The following HINFP variants were observed in gnomAD, a reference collection of about 807,000 sequenced individuals.
HINFP encodes MBD2 (methyl-CpG-binding protein)-interacting zinc finger protein.
A neutral mutation model predicts 50.1 loss-of-function variants in HINFP; 20 were observed. That is an observed-to-expected ratio of 0.40 (90% CI 0.28 to 0.58). The LOEUF (loss-of-function observed/expected upper bound fraction) is 0.58, where lower values mean the gene tolerates loss of function less well. HINFP is among the 20% of genes least tolerant of loss of function. The pLI is 0.45. For synonymous variants in HINFP, 247 were observed against 243.7 expected (o/e 1.01, Z -0.13); for missense variants, 505 against 664.1 (o/e 0.76, Z 2.63).
intron 1 of HINFP, among the ~76,000 whole-genome samples, chr11:119,122,410 A>T (rs1015419548): frequency 6.6e-6 from 1 of 152,154 alleles, no homozygotes. Context: ...GTTTCTGCTC[A>T]GAAGCTTCTT....
chr11:119,134,403 C>G lies in HINFP; in HGVS notation c.1459C>G (p.Pro487Ala). The stretch of plus-strand genomic sequence containing the variant: ...CGTCTACTATGTGCTGTCTGAAGCC[C>G]CAGGGGAGCCTCCCCCAGCCCCTGA... ...EIVYYVLSEA[P>A]GEPPPAPEPP... The change falls in exon 10 of 10, where the codon CCA becomes GCA. Residue 487 changes from proline to alanine, a missense_variant. Transcript: ENST00000350777. This position sits in a 1 kb window ranked among gnomAD's most constrained non-coding sequence, Gnocchi z 4.3. 2 of 1,614,192 alleles carry G rather than the reference C, an allele frequency of 1.2e-6. No individual in the cohort carries two copies. The highest frequency in any genetic ancestry group is 1.7e-6 in the Non-Finnish European group (2 of 1,180,036).
Position 119,131,723 on chromosome 11 carries a change from G to A in HINFP, c.523+77G>A. The A allele has an allele frequency of 1.3e-6, 2 of 1,581,810 alleles. No homozygotes were observed. The highest frequency in any genetic ancestry group is 1.7e-6 in the Non-Finnish European group (2 of 1,151,610). On this transcript the variant is annotated intron_variant, in intron 4 of 9. Transcript: ENST00000350777. This position sits in a 1 kb window ranked among gnomAD's most constrained non-coding sequence, Gnocchi z 4.2. ...AAGAGCTGGGACAGAAAGGGATAGGGGTCCTACAGGGGCAAGGTTGACTGC... is the reference window on the plus strand; with the variant it reads ...AAGAGCTGGGACAGAAAGGGATAGGAGTCCTACAGGGGCAAGGTTGACTGC...
chr11:119,132,582 C>G lies in HINFP; in HGVS notation c.754+9C>G. Reference sequence around the variant, plus strand: ...CCACATGCGCAACCATGGTGAGTGGCCTGCGGCCCACAGCCTCCCTCCTGC... The same window carrying G: ...CCACATGCGCAACCATGGTGAGTGGGCTGCGGCCCACAGCCTCCCTCCTGC... On this transcript the variant is annotated intron_variant, in intron 6 of 9. Transcript: ENST00000350777. 6.2e-7 allele frequency: 1 copy of G among 1,614,116 alleles called. No individual in the cohort carries two copies. Among genetic ancestry groups the G allele is most frequent in the Non-Finnish European group, 8.5e-7 (1 of 1,180,016 alleles).
In HINFP at chr11:119,131,936, C is replaced by T. The variant is rs746977059; in HGVS notation, c.630C>T (p.Asn210=). The T allele has an allele frequency of 6.2e-7, 1 of 1,614,120 alleles. No individual in the cohort carries two copies. The highest frequency in any genetic ancestry group is 1.3e-5 in the African/African-American group (1 of 75,010). The part of the protein sequence containing the change: ...ACPTCGGMFA[N]NTKFLDHIRR... ...CCACCTGTGGGGGCATGTTTGCCAA[C>T]AATACCAAGTTCTTAGATCACATCC... The change falls in exon 5 of 10, where the codon AAC becomes AAT. Residue 210 remains asparagine, a synonymous_variant. Transcript: ENST00000350777. The surrounding 1 kb of genome is among the most constrained non-coding windows in gnomAD (Gnocchi z 4.2).
chr11:119,131,488 T>A lies in HINFP; in HGVS notation c.412-47T>A, dbSNP rs1565797716. ...AATTCTTCGGGCACATAGGGGTGAG[T>A]CCCTCTACCCACCCTCAGTCCTCAC... On this transcript the variant is annotated intron_variant, in intron 3 of 9. Coordinates refer to ENST00000350777, the MANE Select transcript of HINFP (RefSeq NM_198971.3). This position sits in a 1 kb window ranked among gnomAD's most constrained non-coding sequence, Gnocchi z 4.2. The A allele has an allele frequency of 3.1e-6, 4 of 1,278,270 alleles. No homozygotes were observed. Among genetic ancestry groups the A allele is most frequent in the Non-Finnish European group, 4.6e-6 (4 of 873,330 alleles). The allele number at this position is 1,278,270 out of a possible 1,614,324, so 79.2% of individuals were successfully genotyped here. A position where few individuals can be genotyped will look rare whatever the true frequency, so the allele number is the denominator to read the frequency against.
At position 119,131,429 on chromosome 11, in the gene HINFP, C is replaced by T; in HGVS notation, c.412-106C>T. On this transcript the variant is annotated intron_variant, in intron 3 of 9. Coordinates refer to ENST00000350777, the MANE Select transcript of HINFP (RefSeq NM_198971.3). The surrounding 1 kb of genome is among the most constrained non-coding windows in gnomAD (Gnocchi z 4.2). ...TGCAGTGCCTTTCCTCAAAATTTCC[C>T]ATCCCCATCAAGTTAATTTGGGAGA... The T allele has an allele frequency of 1.2e-6, 1 of 815,138 alleles. No individual in the cohort carries two copies. 50.5% of individuals were successfully genotyped at this position (815,138 alleles called of 1,614,324 possible).
At chr11:119,128,131 C>T (rs753591797) in intron 2 of HINFP, among the ~76,000 whole-genome samples, 6 of 152,046 alleles carry the variant, frequency 3.9e-5, no homozygotes, top group Admixed American at 3.3e-4. Flanking sequence ...GGATTACAGG[C>T]GTGAGCCACC....
At chr11:119,124,314 T>A (rs1947264748) in intron 1 of HINFP, 1 of 152,240 alleles carries the variant, frequency 6.6e-6, no homozygotes, top group Non-Finnish European at 1.5e-5. Flanking sequence ...ATTTTCTGTT[T>A]TTTTTCCTTT....
intron 1 of HINFP, chr11:119,124,737 G>A (rs971534056): frequency 3.9e-5 from 6 of 152,136 alleles, no homozygotes; most frequent in African/African-American, 1.2e-4. Context: ...ACTCTGGGAG[G>A]CTGAGGCGGG....
intron 2 of HINFP, among the ~76,000 whole-genome samples, chr11:119,128,739 G>A (rs1036953403): frequency 1.3e-5 from 2 of 150,126 alleles, no homozygotes; most frequent in Admixed American, 6.7e-5. Flanking sequence ...TTGCTCTGTC[G>A]CCAGGCTGGA....
At chr11:119,129,490 C>CTTTTTTTTTTTTTTTTTTTTTTTT (rs59395600) in intron 2 of HINFP, among the ~76,000 whole-genome samples, 15 of 124,168 alleles carry the variant, frequency 1.2e-4, no homozygotes, top group African/African-American at 3.4e-4. Context: ...TTTTTCTTTT[C>CTTTTTTTTTTTTTTTTTTTTTTTT]TTTTTTTTTT....
In HINFP at chr11:119,134,289, G is replaced by T. The variant is rs1258338694; in HGVS notation, c.1345G>T (p.Glu449Ter). 1 of 1,614,118 alleles carries T rather than the reference G, an allele frequency of 6.2e-7. No individual in the cohort carries two copies. Among genetic ancestry groups the T allele is most frequent in the Non-Finnish European group, 8.5e-7 (1 of 1,179,958 alleles). Residue 449 changes from glutamate (E) to a stop codon, truncating the protein, a stop_gained, in exon 10 of 10, where the codon GAA (glutamate) becomes TAA (stop). Transcript: ENST00000350777. LOFTEE classifies it low-confidence loss of function (END_TRUNC). This position sits in a 1 kb window ranked among gnomAD's most constrained non-coding sequence, Gnocchi z 4.3. ...AGAGGAAGAGGAGGGCAAGGGTAGC[G>T]AAGGGACAGCCCTCTCAGCCTCTCA... ...KEEEEEGKGSEGTALSASQDN... is the reference protein window; with the variant it reads ...KEEEEEGKGS
rs1030522013 is a variant in HINFP, at chr11:119,135,070, C to A, written c.*572C>A. The stretch of plus-strand genomic sequence containing the variant: ...TTGGACTCTTATTTATTTCTTCTTA[C>A]ATTTGGTGGCAGTTTACTAGGTAAT... On this transcript the variant is annotated 3_prime_UTR_variant, in exon 10 of 10. Transcript: ENST00000350777. 1.3e-5 allele frequency: 2 copies of A among 152,868 alleles called. No homozygotes were observed. Among genetic ancestry groups the A allele is most frequent in the East Asian group, 3.9e-4 (2 of 5,186 alleles). The allele number at this position is 152,868 out of a possible 1,614,324, so 9.5% of individuals were successfully genotyped here.
chr11:119,134,414 T>TC lies in HINFP; in HGVS notation c.1475dup (p.Ala493SerfsTer3). On this transcript the variant is annotated frameshift_variant, in exon 10 of 10. Transcript: ENST00000350777. LOFTEE classifies it low-confidence loss of function (END_TRUNC). The surrounding 1 kb of genome is among the most constrained non-coding windows in gnomAD (Gnocchi z 4.3). ...TGCTGTCTGAAGCCCCAGGGGAGCC[T>TC]CCCCCAGCCCCTGAGCCACCTTCAG... 1.2e-6 allele frequency: 2 copies of TC among 1,613,940 alleles called. No homozygotes were observed. Among genetic ancestry groups the TC allele is most frequent in the Non-Finnish European group, 1.7e-6 (2 of 1,179,958 alleles).
intron 7 of HINFP, 31 bp downstream of exon 7, chr11:119,132,812 C>T: frequency 6.2e-7 from 1 of 1,613,890 alleles, no homozygotes; most frequent in Non-Finnish European, 8.5e-7. Context: ...GAAAACAGCT[C>T]ATGTTCCAGT....
chr11:119,131,081 C>G lies in HINFP; in HGVS notation c.411+127C>G. Reference sequence around the variant, plus strand: ...TAGTATCTCTCTTCCATTTCTTTTGCTCTTTTAAAATTTGTTTATTTTTTA... The same window carrying G: ...TAGTATCTCTCTTCCATTTCTTTTGGTCTTTTAAAATTTGTTTATTTTTTA... On this transcript the variant is annotated intron_variant, in intron 3 of 9. Coordinates refer to ENST00000350777, the MANE Select transcript of HINFP (RefSeq NM_198971.3). This position sits in a 1 kb window ranked among gnomAD's most constrained non-coding sequence, Gnocchi z 4.2. The G allele has an allele frequency of 1.2e-6, 1 of 856,576 alleles. No homozygotes were observed. Among genetic ancestry groups the G allele is most frequent in the Non-Finnish European group, 1.9e-6 (1 of 518,106 alleles). The allele number at this position is 856,576 out of a possible 1,614,324, so 53.1% of individuals were successfully genotyped here. A position where few individuals can be genotyped will look rare whatever the true frequency, so the allele number is the denominator to read the frequency against.
chr11:119,132,719 C>A lies in HINFP; in HGVS notation c.813C>A (p.Arg271=). 1 of 1,613,972 alleles carries A rather than the reference C, an allele frequency of 6.2e-7. No individual in the cohort carries two copies. The highest frequency in any genetic ancestry group is 1.3e-5 in the African/African-American group (1 of 75,038). ...DMTCPLPSSL[R]NHMRFRHSED... The stretch of plus-strand genomic sequence containing the variant: ...CCTGCCCGCTGCCTTCCTCCCTCCG[C>A]AACCACATGCGCTTTCGTCACAGTG... Residue 271 remains arginine, a synonymous_variant, in exon 7 of 10, where the codon CGC becomes CGA. Transcript: ENST00000350777.
chr11:119,134,112 C>A lies in HINFP; in HGVS notation c.1168C>A (p.Arg390=). Residue 390 remains arginine, a synonymous_variant, in exon 10 of 10, where the codon CGG becomes AGG. Transcript: ENST00000350777. This position sits in a 1 kb window ranked among gnomAD's most constrained non-coding sequence, Gnocchi z 4.3. ...RYKEHEDGYM[R]LQLVRYESVE... ...CAAGGAACATGAAGATGGCTATATG[C>A]GGCTGCAGCTGGTTCGCTACGAGAG... The A allele has an allele frequency of 6.2e-7, 1 of 1,614,122 alleles. No homozygotes were observed. The highest frequency in any genetic ancestry group is 2.2e-5 in the East Asian group (1 of 44,880).
intron 1 of HINFP, among the ~76,000 whole-genome samples, chr11:119,123,128 CAAAAAAAAAAAAAAA>C (rs1174844499): frequency 2.6e-5 from 2 of 76,806 alleles, no homozygotes; most frequent in Non-Finnish European, 4.5e-5. Flanking sequence ...ACTCCATCTC[CAAAAAAAAAAAAAAA>C]AAAAAAAAGA....
Sources: allele counts gnomAD v4.1 joint callset (sites outside exome capture counted in the v4.1 genomes callset), GRCh38; gene constraint gnomAD v4.1.1; non-coding constraint Gnocchi (gnomAD v3.1); transcripts MANE v1.5; gene names NCBI Gene and HGNC (gene_info 2026-07-23, HGNC 2026-07-21).